The following CAMK1G variants were observed in gnomAD, a reference collection of about 807,000 sequenced individuals.
CAMK1G encodes the protein calcium/calmodulin dependent protein kinase IG, also known as calcium/calmodulin-dependent protein kinase type 1G.
Under a neutral mutation model 54.8 loss-of-function variants are expected in CAMK1G, and 27 were observed. The ratio of observed to expected loss-of-function variants is 0.49; its 90% CI spans 0.36 to 0.68. The LOEUF (loss-of-function observed/expected upper bound fraction) is 0.68. Among genes scored for constraint, CAMK1G ranks in the 30% least tolerant of loss-of-function variants. The pLI is 0.00. For missense variants in CAMK1G, 512 were observed against 591.0 expected (o/e 0.87, Z 1.39); for synonymous variants, 238 against 224.9 (o/e 1.06, Z -0.52).
intron 2 of CAMK1G, among the ~76,000 whole-genome samples, chr1:209,595,821 C>T (rs1665367076): frequency 1.3e-5 from 2 of 152,314 alleles, no homozygotes; most frequent in South Asian, 2.1e-4. Context: ...GTGTCTGAAC[C>T]TGCACCTTGA....
intron 7 of CAMK1G, 99 bp from the exon 8 acceptor site, chr1:209,608,881 G>GC: frequency 1.3e-6 from 2 of 1,501,826 alleles, no homozygotes; most frequent in Non-Finnish European, 1.8e-6. Context: ...GACCTTCAGT[G>GC]CCCACCTGTG....
At position 209,600,122 on chromosome 1, in the gene CAMK1G, C is replaced by A. The variant is rs139782257; in HGVS notation, c.221+11C>A. The A allele has an allele frequency of 6.2e-7, 1 of 1,612,362 alleles. No homozygotes were observed. Among genetic ancestry groups the A allele is most frequent in the African/African-American group, 1.3e-5 (1 of 74,880 alleles). Reference sequence around the variant, plus strand: ...TGCTGTGTTGAAAAAGTGAGTGGGTCTTAGTGTTGACTGGATCACTATGGG... The same window carrying A: ...TGCTGTGTTGAAAAAGTGAGTGGGTATTAGTGTTGACTGGATCACTATGGG... On this transcript the variant is annotated intron_variant, in intron 3 of 12. Transcript: ENST00000361322.
rs1665651696 is a variant in CAMK1G at position 209,606,433 on chromosome 1, A to C, written c.549A>C (p.Pro183=). 6.2e-7 allele frequency: 1 copy of C among 1,613,934 alleles called. No homozygotes were observed. Among genetic ancestry groups the C allele is most frequent in the East Asian group, 2.2e-5 (1 of 44,878 alleles). The part of the protein sequence containing the change: ...NGIMSTACGT[P]GYVAPEVLAQ... ...TCATGTCCACTGCCTGTGGGACCCC[A>C]GGCTACGTGGGTAAGTCTGGGAGCA... Residue 183 remains proline (P), a synonymous_variant, in exon 6 of 13, where the codon CCA becomes CCC. Transcript: ENST00000361322.
At chr1:209,586,626 T>A (rs17014838) in intron 1 of CAMK1G, among the ~76,000 whole-genome samples, 2,878 of 152,272 alleles carry the variant, frequency 0.019, 203 homozygotes, top group East Asian at 0.13. Flanking sequence ...GTGCCTATAA[T>A]GTGGACCCAC....
chr1:209,610,079 CAG>C (rs1328039030), intron 9 of CAMK1G, 150 bp downstream of exon 9: 1 of 703,166 alleles, frequency 1.4e-6, no homozygotes, highest in East Asian at 2.7e-5. Flanking sequence ...TCATCAGGCC[CAG>C]GTAGAGATTC....
Position 209,612,207 on chromosome 1 carries a change from AC to A in CAMK1G, c.1332del (p.Asn444LysfsTer110). The A allele has an allele frequency of 6.2e-7, 1 of 1,613,474 alleles. No individual in the cohort carries two copies. The highest frequency in any genetic ancestry group is 8.5e-7 in the Non-Finnish European group (1 of 1,179,580). On this transcript the variant is annotated frameshift_variant, in exon 11 of 13. Coordinates refer to ENST00000361322, the MANE Select transcript of CAMK1G (RefSeq NM_020439.3). LOFTEE classifies it high-confidence loss of function. ...CSEPTLLKKA[N>X]KKQNFKSEVM... ...GAGCCCACACTCCTCAAAAAGGCCA[AC>A]AAAAAACAGTACGTATTTTTAGCCA...
chr1:209,599,806 C>A (rs1665482539), intron 2 of CAMK1G, among the ~76,000 whole-genome samples, 177 bp from the exon 3 acceptor site: 1 of 152,196 alleles, frequency 6.6e-6, no homozygotes, highest in South Asian at 2.1e-4. Flanking sequence ...CAGGTTCCCC[C>A]CTTCCCTTTT....
At chr1:209,596,034 G>A (rs12119742) in intron 2 of CAMK1G, among the ~76,000 whole-genome samples, 39,178 of 152,192 alleles carry the variant, frequency 0.26, 6,074 homozygotes, top group Non-Finnish European at 0.34. Context: ...AGCAGCCAGC[G>A]GGCTGTCCAT....
intron 2 of CAMK1G, among the ~76,000 whole-genome samples, chr1:209,599,173 C>A (rs1364670693): frequency 6.6e-6 from 1 of 152,176 alleles, no homozygotes; most frequent in Non-Finnish European, 1.5e-5. Context: ...CTGAGAACAT[C>A]ATGAGGGAAA....
chr1:209,600,262 GT>G, intron 3 of CAMK1G, 151 bp downstream of exon 3: 1 of 916,288 alleles, frequency 1.1e-6, no homozygotes, highest in African/African-American at 1.7e-5. Context: ...AATTAGCTAA[GT>G]TTAGTCGGAC....
intron 6 of CAMK1G, 23 bp downstream of exon 6, chr1:209,606,466 G>A (rs781164163): frequency 6.2e-7 from 1 of 1,610,500 alleles, no homozygotes; most frequent in South Asian, 1.1e-5. Flanking sequence ...GCAGGAGGAA[G>A]GTTGACCAGT....
chr1:209,608,448 C>G (rs1012169413), intron 7 of CAMK1G, among the ~76,000 whole-genome samples: 1 of 152,202 alleles, frequency 6.6e-6, no homozygotes, highest in African/African-American at 2.4e-5. Context: ...CCCCACCATC[C>G]CTCCTCACCT....
chr1:209,600,569 C>A (rs928301761), intron 3 of CAMK1G, among the ~76,000 whole-genome samples: 3 of 152,174 alleles, frequency 2.0e-5, no homozygotes, highest in Admixed American at 2.0e-4. Flanking sequence ...TTGTGAAACC[C>A]TTATGGTGTA....
rs377745870 is a variant in CAMK1G at position 209,611,548 on chromosome 1, G to A, written c.911G>A (p.Trp304Ter). The change falls in exon 10 of 13, where the codon TGG becomes TAG. Residue 304 changes from tryptophan to a stop codon, truncating the protein, a stop_gained. Coordinates refer to ENST00000361322, the MANE Select transcript of CAMK1G (RefSeq NM_020439.3). LOFTEE classifies it high-confidence loss of function. Reference protein sequence around the residue: ...QIQKNFAKSKWRQAFNAAAVV... With the variant: ...QIQKNFAKSK Reference sequence around the variant, plus strand: ...CAGAAGAACTTTGCTAAGAGCAAGTGGAGGGTAAGCTGTCCTCTCCAGGGG... The same window carrying A: ...CAGAAGAACTTTGCTAAGAGCAAGTAGAGGGTAAGCTGTCCTCTCCAGGGG... 3 of 1,613,572 alleles carry A rather than the reference G, an allele frequency of 1.9e-6. No individual in the cohort carries two copies. The highest frequency in any genetic ancestry group is 2.5e-6 in the Non-Finnish European group (3 of 1,179,600).
intron 10 of CAMK1G, 109 bp downstream of exon 10, chr1:209,611,661 G>A: frequency 1.4e-6 from 2 of 1,464,384 alleles, no homozygotes; most frequent in East Asian, 2.3e-5. Flanking sequence ...AGGCATTGGA[G>A]CTCCGTGTAC....
chr1:209,600,827 G>C (rs1435826715), intron 3 of CAMK1G, among the ~76,000 whole-genome samples: 29 of 152,234 alleles, frequency 1.9e-4, no homozygotes, highest in Admixed American at 1.8e-3. Context: ...TGATAGATGA[G>C]TCAAACTTTG....
chr1:209,590,700 A>T (rs1665223800), intron 1 of CAMK1G, among the ~76,000 whole-genome samples: 1 of 152,102 alleles, frequency 6.6e-6, no homozygotes. Context: ...CTGGAAAAGC[A>T]GCATCCACAG....
At chr1:209,601,456 G>T (rs1665524791) in intron 3 of CAMK1G, among the ~76,000 whole-genome samples, 1 of 152,172 alleles carries the variant, frequency 6.6e-6, no homozygotes, top group Non-Finnish European at 1.5e-5. Flanking sequence ...AAAGAAATTG[G>T]TTGGAACATA....
intron 4 of CAMK1G, among the ~76,000 whole-genome samples, chr1:209,604,623 G>A (rs1341098320): frequency 6.6e-6 from 1 of 152,176 alleles, no homozygotes; most frequent in Non-Finnish European, 1.5e-5. Flanking sequence ...GTGGTAAGGG[G>A]GACTAGGAGG....
Sources: gnomAD v4.1 joint callset for allele counts (sites outside exome capture counted in the v4.1 genomes callset) on GRCh38, gnomAD v4.1.1 for gene constraint, MANE v1.5 for transcripts, NCBI Gene and HGNC (gene_info 2026-07-23, HGNC 2026-07-21) for gene names.